The following SUMF1 variants were observed in gnomAD, a reference collection of about 807,000 sequenced individuals.
SUMF1 encodes the protein sulfatase modifying factor 1.
In SUMF1, 48 loss-of-function variants were observed where a neutral mutation model predicts 47.6. That is an observed-to-expected ratio of 1.01 (90% CI 0.80 to 1.28). SUMF1 has a LOEUF of 1.28. Ranked by LOEUF, SUMF1 falls within the 50% of genes most tolerant of loss-of-function variation. The pLI is 0.00. For synonymous variants in SUMF1, 230 were observed against 192.1 expected (o/e 1.20, Z -1.63); for missense variants, 571 against 485.4 (o/e 1.18, Z -1.66).
rs138941106 is a variant in SUMF1, at chr3:4,076,598, G to A, written c.1015-7853C>T. Among the ~76,000 whole-genome samples, 970 of 152,102 alleles carry A rather than the reference G, an allele frequency of 6.4e-3. 10 individuals are homozygous for A. The highest frequency in any genetic ancestry group is 0.022 in the African/African-American group (919 of 41,446). On this transcript the variant is annotated intron_variant and NMD_transcript_variant, in intron 8 of 12. Transcript: ENST00000448413. ...GAAAATTTTTGCAATCTATCCATCT[G>A]ACAAAGCACTAATATCCAGAATCTA...
At chr3:4,085,421 A>G (rs896907443) in intron 8 of SUMF1, among the ~76,000 whole-genome samples, 5 of 152,160 alleles carry the variant, frequency 3.3e-5, no homozygotes, top group Non-Finnish European at 7.4e-5. Flanking sequence ...TCCACCAGTG[A>G]TGATCTTTCT....
chr3:4,433,460 T>C lies in SUMF1; in HGVS notation c.520-13314A>G, dbSNP rs566764086. Among the ~76,000 whole-genome samples the C allele has an allele frequency of 1.8e-4, 28 of 152,290 alleles. No individual in the cohort carries two copies. In the South Asian group the frequency reaches 4.8e-3, roughly 26 times the overall value. On this transcript the variant is annotated intron_variant, in intron 3 of 8. Transcript: ENST00000272902. ...TGAGCTTATGCCACACACTGGCTCC[T>C]AAGTCAAGTGAACAACTACTCTTTT...
intron 3 of SUMF1, among the ~76,000 whole-genome samples, chr3:4,442,087 A>T (rs1162069232): frequency 6.6e-6 from 1 of 152,196 alleles, no homozygotes; most frequent in African/African-American, 2.4e-5. Flanking sequence ...CAGACCTGTG[A>T]AAAGGAAAAT....
At chr3:4,357,991 C>T (rs567688759), downstream of SUMF1, among the ~76,000 whole-genome samples, 163 of 151,450 alleles carry the variant, frequency 1.1e-3, 1 homozygote, top group African/African-American at 3.7e-3. Flanking sequence ...ATGCTCTGTT[C>T]AAAAAAAAGT....
At chr3:4,291,301 T>G (rs1697737708) in intron 8 of SUMF1, among the ~76,000 whole-genome samples, 2 of 152,096 alleles carry the variant, frequency 1.3e-5, no homozygotes, top group Non-Finnish European at 2.9e-5. Flanking sequence ...ACTCTTTAAT[T>G]ATAAATAATC....
At chr3:4,464,678 G>A (rs1480000865) in intron 1 of SUMF1, among the ~76,000 whole-genome samples, 1 of 152,174 alleles carries the variant, frequency 6.6e-6, no homozygotes, top group Non-Finnish European at 1.5e-5. Context: ...AAATGGTAAA[G>A]TGTCAGAATT....
At chr3:4,138,104 G>A (rs1693987928) in intron 8 of SUMF1, among the ~76,000 whole-genome samples, 1 of 151,998 alleles carries the variant, frequency 6.6e-6, no homozygotes, top group Admixed American at 6.6e-5. Flanking sequence ...AATTTAAAAA[G>A]GTTTGGGTCT....
intron 1 of SUMF1, among the ~76,000 whole-genome samples, chr3:4,456,359 A>G (rs1301216941): frequency 6.6e-6 from 1 of 152,092 alleles, no homozygotes; most frequent in Non-Finnish European, 1.5e-5. Context: ...GACATACTAG[A>G]CAGAGCAATT....
chr3:4,283,409 T>C (rs1350966132), intron 8 of SUMF1, among the ~76,000 whole-genome samples: 1 of 152,244 alleles, frequency 6.6e-6, no homozygotes, highest in Non-Finnish European at 1.5e-5. Flanking sequence ...CAAATATTAA[T>C]ACGTTCTCCA....
chr3:4,260,445 A>C (rs908650722), intron 8 of SUMF1, among the ~76,000 whole-genome samples: 1 of 152,232 alleles, frequency 6.6e-6, no homozygotes, highest in Non-Finnish European at 1.5e-5. Context: ...ATAAACAGAA[A>C]TGTTTAAAAT....
At chr3:4,124,110 A>G (rs1048038972) in intron 8 of SUMF1, among the ~76,000 whole-genome samples, 1 of 152,178 alleles carries the variant, frequency 6.6e-6, no homozygotes, top group African/African-American at 2.4e-5. Context: ...AGCTACATCA[A>G]TTTCTTTTTG....
chr3:4,374,716 TGG>T (rs1379051972), intron 8 of SUMF1, among the ~76,000 whole-genome samples: 2 of 152,174 alleles, frequency 1.3e-5, no homozygotes, highest in Admixed American at 6.5e-5. Flanking sequence ...CTGTTTTCCA[TGG>T]AAGTCTGGTT....
At chr3:4,377,822 C>T (rs73809531) in intron 7 of SUMF1, among the ~76,000 whole-genome samples, 4 of 151,830 alleles carry the variant, frequency 2.6e-5, no homozygotes, top group Admixed American at 1.3e-4. Flanking sequence ...TTTTTTTGTT[C>T]AAAAAGACAA....
At chr3:4,263,867 G>A (rs989472879) in intron 8 of SUMF1, among the ~76,000 whole-genome samples, 2 of 152,118 alleles carry the variant, frequency 1.3e-5, no homozygotes, top group Admixed American at 6.5e-5. Context: ...CTACCCTGAC[G>A]ATTGCAATTG....
At chr3:4,262,833 C>A (rs1697114852) in intron 8 of SUMF1, among the ~76,000 whole-genome samples, 2 of 152,152 alleles carry the variant, frequency 1.3e-5, no homozygotes, top group Admixed American at 6.5e-5. Flanking sequence ...TCCACCCCAA[C>A]CACATGGTCC....
chr3:4,214,149 A>G (rs150810454), intron 8 of SUMF1, among the ~76,000 whole-genome samples: 50 of 152,324 alleles, frequency 3.3e-4, no homozygotes, highest in African/African-American at 1.1e-3. Flanking sequence ...AATTGACCAC[A>G]TAATTGGAAG....
At chr3:4,188,524 C>T (rs1229924517) in intron 8 of SUMF1, among the ~76,000 whole-genome samples, 1 of 152,124 alleles carries the variant, frequency 6.6e-6, no homozygotes, top group Admixed American at 6.6e-5. Context: ...ATAACCTCAT[C>T]CAGGGCAGAA....
intron 9 of SUMF1, among the ~76,000 whole-genome samples, chr3:4,038,624 C>T (rs996036710): frequency 3.3e-5 from 5 of 152,154 alleles, no homozygotes; most frequent in Admixed American, 1.3e-4. Context: ...GAAGGGCTCA[C>T]TGGGAAGAGA....
At chr3:4,108,102 G>C (rs1442411093) in intron 8 of SUMF1, among the ~76,000 whole-genome samples, 2 of 152,044 alleles carry the variant, frequency 1.3e-5, no homozygotes, top group Admixed American at 6.6e-5. Context: ...TATTCATAAA[G>C]AGAGATGATT....
Sources: allele counts gnomAD v4.1 joint callset (sites outside exome capture counted in the v4.1 genomes callset), GRCh38; gene constraint gnomAD v4.1.1; transcripts MANE v1.5; gene names NCBI Gene and HGNC (gene_info 2026-07-23, HGNC 2026-07-21).